Variants in CDH18 observed in about 807,000 individuals in gnomAD.
CDH18 encodes cadherin-18.
CDH18 carries 31 observed loss-of-function variants against 67.9 expected under a neutral mutation model. The observed-to-expected ratio is 0.46, with a 90% CI of 0.34 to 0.62. The LOEUF (loss-of-function observed/expected upper bound fraction) is 0.62, where lower values mean the gene tolerates loss of function less well. CDH18 is among the 20% of genes least tolerant of loss of function. CDH18 has a pLI of 0.01. For missense variants in CDH18, 890 were observed against 975.5 expected (o/e 0.91, Z 1.17); for synonymous variants, 362 against 347.2 (o/e 1.04, Z -0.48).
chr5:19,918,447 G>C (rs907558338), intron 2 of CDH18, among the ~76,000 whole-genome samples: 1 of 152,042 alleles, frequency 6.6e-6, no homozygotes, highest in Non-Finnish European at 1.5e-5. Context: ...CATAAAACAC[G>C]CCACAACAAT....
At chr5:19,921,480 G>A (rs1255860753) in intron 2 of CDH18, among the ~76,000 whole-genome samples, 8 of 149,670 alleles carry the variant, frequency 5.3e-5, no homozygotes, top group African/African-American at 7.5e-5. Flanking sequence ...GCAGTGAGCC[G>A]AGATCGCTCC....
chr5:19,624,816 G>A (rs577958340), intron 5 of CDH18, among the ~76,000 whole-genome samples: 2 of 152,238 alleles, frequency 1.3e-5, no homozygotes, highest in South Asian at 2.1e-4. Flanking sequence ...AAGCCCTTCC[G>A]ATGTTGATTA....
At chr5:19,648,584 C>CT (rs150280626) in intron 5 of CDH18, among the ~76,000 whole-genome samples, 79 of 151,764 alleles carry the variant, frequency 5.2e-4, no homozygotes, top group South Asian at 2.3e-3. Flanking sequence ...AATTCTATCT[C>CT]TTTTTTTTGT....
chr5:19,905,305 C>T (rs1445537529), intron 2 of CDH18, among the ~76,000 whole-genome samples: 4 of 152,050 alleles, frequency 2.6e-5, no homozygotes, highest in Admixed American at 2.6e-4. Context: ...ATTCATCATG[C>T]AGGTTTTATG....
At chr5:20,323,991 A>G (rs999726225) in intron 1 of CDH18, among the ~76,000 whole-genome samples, 1 of 152,244 alleles carries the variant, frequency 6.6e-6, no homozygotes, top group East Asian at 1.9e-4. Flanking sequence ...TACTAATGAC[A>G]CAAAAGTGGC....
chr5:19,949,339 C>A (rs1196514160), intron 2 of CDH18, among the ~76,000 whole-genome samples: 1 of 152,100 alleles, frequency 6.6e-6, no homozygotes, highest in African/African-American at 2.4e-5. Flanking sequence ...TTAGGGTTCA[C>A]TGTCACTTCC....
chr5:20,005,415 TACACAC>T (rs3065076), intron 2 of CDH18, among the ~76,000 whole-genome samples: 46,191 of 147,036 alleles, frequency 0.31, 7,846 homozygotes, highest in South Asian at 0.39. Context: ...TATATATATG[TACACAC>T]ACACACACAC....
chr5:19,920,356 G>A (rs2150164252), intron 2 of CDH18, among the ~76,000 whole-genome samples: 1 of 152,156 alleles, frequency 6.6e-6, no homozygotes, highest in East Asian at 1.9e-4. Flanking sequence ...CTTGAAAACT[G>A]GATATGAACA....
At chr5:19,604,386 CAT>C (rs1236394276) in intron 6 of CDH18, among the ~76,000 whole-genome samples, 3 of 151,956 alleles carry the variant, frequency 2.0e-5, no homozygotes, top group Non-Finnish European at 2.9e-5. Flanking sequence ...AACTGACTGA[CAT>C]GTGAGAGGTT....
intron 2 of CDH18, among the ~76,000 whole-genome samples, chr5:20,168,348 C>T (rs1736453466): frequency 6.6e-6 from 1 of 151,886 alleles, no homozygotes; most frequent in Non-Finnish European, 1.5e-5. Context: ...TAGCTAATTA[C>T]ATTAATAACT....
intron 6 of CDH18, among the ~76,000 whole-genome samples, chr5:19,606,411 T>A (rs1218350347): frequency 6.6e-6 from 1 of 152,110 alleles, no homozygotes; most frequent in Non-Finnish European, 1.5e-5. Flanking sequence ...ATGGTTAATA[T>A]GTTTATGGTT....
intron 2 of CDH18, among the ~76,000 whole-genome samples, chr5:19,919,697 T>A (rs890944188): frequency 6.6e-6 from 1 of 152,220 alleles, no homozygotes; most frequent in Non-Finnish European, 1.5e-5. Context: ...GATATCAACT[T>A]ATTTGATGGA....
chr5:19,632,778 G>A (rs1029165974), intron 5 of CDH18, among the ~76,000 whole-genome samples: 1 of 152,160 alleles, frequency 6.6e-6, no homozygotes, highest in African/African-American at 2.4e-5. Flanking sequence ...GCTTACTCAT[G>A]TTCTATCTTT....
chr5:20,422,483 T>A (rs1747939674), intron 1 of CDH18, among the ~76,000 whole-genome samples: 1 of 151,108 alleles, frequency 6.6e-6, no homozygotes, highest in South Asian at 2.1e-4. Flanking sequence ...ATTATTATAT[T>A]AAATTAATAA....
intron 6 of CDH18, among the ~76,000 whole-genome samples, chr5:19,600,038 T>C (rs1478815488): frequency 6.6e-6 from 1 of 152,092 alleles, no homozygotes; most frequent in African/African-American, 2.4e-5. Flanking sequence ...GCTCTTTAAC[T>C]GTAAAGGTCA....
chr5:19,520,622 C>T (rs745381574), intron 10 of CDH18, 35 bp downstream of exon 10: 1 of 1,576,760 alleles, frequency 6.3e-7, no homozygotes, highest in Non-Finnish European at 8.6e-7. Flanking sequence ...GCATTTATTC[C>T]ATTCAAATGA....
At chr5:19,621,898 C>T (rs532652332) in intron 5 of CDH18, among the ~76,000 whole-genome samples, 2 of 152,256 alleles carry the variant, frequency 1.3e-5, no homozygotes, top group East Asian at 3.9e-4. Flanking sequence ...TTGAATGGGA[C>T]ATTATTTTTT....
chr5:19,611,614 C>T (rs369060419), intron 6 of CDH18, among the ~76,000 whole-genome samples: 10 of 152,030 alleles, frequency 6.6e-5, no homozygotes, highest in Admixed American at 5.9e-4. Flanking sequence ...GCCTGTATGA[C>T]GTACCAAAGG....
intron 4 of CDH18, among the ~76,000 whole-genome samples, chr5:19,732,989 G>A (rs185662378): frequency 1.6e-4 from 24 of 152,164 alleles, no homozygotes; most frequent in African/African-American, 5.8e-4. Context: ...TCTGAGTTCC[G>A]TTTTCCCAAA....
Sources: allele counts gnomAD v4.1 joint callset (sites outside exome capture counted in the v4.1 genomes callset), GRCh38; gene constraint gnomAD v4.1.1; transcripts MANE v1.5; gene names NCBI Gene and HGNC (gene_info 2026-07-23, HGNC 2026-07-21).